Variants in FHIT observed in about 807,000 individuals in gnomAD.
FHIT encodes the protein fragile histidine triad diadenosine triphosphatase.
In FHIT, 19 loss-of-function variants were observed where a neutral mutation model predicts 17.9. The ratio of observed to expected loss-of-function variants is 1.06; its 90% CI spans 0.74 to 1.56. The LOEUF (loss-of-function observed/expected upper bound fraction) is 1.56, where lower values mean the gene tolerates loss of function less well. Among genes scored for constraint, FHIT ranks in the 40% most tolerant of loss-of-function variants. The pLI is 0.00. For synonymous variants in FHIT, 81 were observed against 69.7 expected (o/e 1.16, Z -0.81); for missense variants, 248 against 189.2 (o/e 1.31, Z -1.82).
intron 2 of FHIT, among the ~76,000 whole-genome samples, chr3:61,104,660 G>A (rs892164837): frequency 6.6e-6 from 1 of 152,118 alleles, no homozygotes; most frequent in African/African-American, 2.4e-5. Flanking sequence ...CCTGAAATAT[G>A]TTTTCCAAAT....
intron 5 of FHIT, among the ~76,000 whole-genome samples, chr3:60,343,864 T>C (rs1445955720): frequency 1.3e-5 from 2 of 152,212 alleles, no homozygotes; most frequent in African/African-American, 2.4e-5. Context: ...GGTGGACTAC[T>C]AGAATTCCAT....
intron 5 of FHIT, among the ~76,000 whole-genome samples, chr3:60,273,523 T>A (rs1474022614): frequency 6.6e-6 from 1 of 152,044 alleles, no homozygotes; most frequent in Non-Finnish European, 1.5e-5. Flanking sequence ...GGGGGAGAAT[T>A]GCTTGAACTT....
At chr3:60,630,188 T>A (rs2039402337) in intron 4 of FHIT, among the ~76,000 whole-genome samples, 1 of 152,192 alleles carries the variant, frequency 6.6e-6, no homozygotes, top group East Asian at 1.9e-4. Context: ...TTCGAAGTTA[T>A]CTCAGAAACC....
intron 5 of FHIT, among the ~76,000 whole-genome samples, chr3:60,048,027 G>C (rs749850178): frequency 6.6e-6 from 1 of 152,132 alleles, no homozygotes; most frequent in Non-Finnish European, 1.5e-5. Flanking sequence ...TTCTCCTGAG[G>C]CCTCTCTCTC....
intron 7 of FHIT, among the ~76,000 whole-genome samples, chr3:59,980,462 G>T (rs1559517471): frequency 2.0e-5 from 3 of 152,182 alleles, no homozygotes. Flanking sequence ...GTTATAATTA[G>T]CCCTCATTCT....
chr3:60,893,351 A>T (rs920838642), intron 3 of FHIT, among the ~76,000 whole-genome samples: 36 of 152,200 alleles, frequency 2.4e-4, no homozygotes, highest in Non-Finnish European at 4.3e-4. Context: ...CTCTAGTGAC[A>T]CATAAAACTT....
intron 4 of FHIT, among the ~76,000 whole-genome samples, chr3:60,629,896 T>C (rs114309418): frequency 0.034 from 5,131 of 152,260 alleles, 154 homozygotes; most frequent in Non-Finnish European, 0.055. Flanking sequence ...CACTCTAGTA[T>C]TCTCAGAGCC....
intron 5 of FHIT, among the ~76,000 whole-genome samples, chr3:60,439,015 C>T (rs1468954955): frequency 2.2e-4 from 34 of 151,932 alleles, no homozygotes; most frequent in Admixed American, 2.2e-3. Flanking sequence ...TTACTTTTTT[C>T]GAAAGATGAG....
At chr3:61,056,975 T>C (rs2034246943) in intron 2 of FHIT, among the ~76,000 whole-genome samples, 1 of 152,216 alleles carries the variant, frequency 6.6e-6, no homozygotes, top group South Asian at 2.1e-4. Context: ...TTGTGCCTCA[T>C]GATCTCAGAG....
intron 5 of FHIT, among the ~76,000 whole-genome samples, chr3:60,050,443 G>A (rs1327330860): frequency 1.3e-5 from 2 of 152,138 alleles, no homozygotes; most frequent in South Asian, 2.1e-4. Context: ...ATAGCACTTA[G>A]AGCAGCAGAT....
At chr3:59,751,993 C>CTGTCTCTTAT in intron 9 of FHIT, 1 of 413,440 alleles carries the variant, frequency 2.4e-6, no homozygotes, top group Non-Finnish European at 4.3e-6. Flanking sequence ...GGGCTGGGGG[C>CTGTCTCTTAT]ACTGGCTTGG....
intron 5 of FHIT, among the ~76,000 whole-genome samples, chr3:60,311,990 A>G (rs985893299): frequency 3.9e-5 from 6 of 152,204 alleles, no homozygotes; most frequent in East Asian, 1.9e-4. Flanking sequence ...TGAATTATAA[A>G]ATCAATTTAG....
intron 3 of FHIT, among the ~76,000 whole-genome samples, chr3:60,875,262 C>A (rs78370287): frequency 6.6e-6 from 1 of 152,080 alleles, no homozygotes; most frequent in Non-Finnish European, 1.5e-5. Flanking sequence ...TTTTCTGTAC[C>A]ATGTGTGTAG....
At chr3:60,501,222 T>A (rs1217844486) in intron 5 of FHIT, among the ~76,000 whole-genome samples, 1 of 152,162 alleles carries the variant, frequency 6.6e-6, no homozygotes, top group Non-Finnish European at 1.5e-5. Flanking sequence ...CTTGAAGTAA[T>A]ATGATCCAAG....
chr3:60,258,979 C>T (rs530899191), intron 5 of FHIT, among the ~76,000 whole-genome samples: 1 of 150,442 alleles, frequency 6.6e-6, no homozygotes, highest in Non-Finnish European at 1.5e-5. Context: ...TAAAAGAGAT[C>T]TTCCTGCTTC....
intron 5 of FHIT, among the ~76,000 whole-genome samples, chr3:60,516,228 T>C (rs1287169523): frequency 2.6e-5 from 4 of 152,222 alleles, no homozygotes; most frequent in Admixed American, 6.5e-5. Context: ...AAAATATTTA[T>C]TCATTTACTT....
In FHIT at chr3:60,178,519, G is replaced by A. The variant is rs564416227; in HGVS notation, c.104-164367C>T. ...CAGAATCACTTGAACCCTGGAGGCA[G>A]AGGTTGCAGTGAGCCAAGATCATAC... On this transcript the variant is annotated intron_variant, in intron 5 of 9. Transcript: ENST00000492590. Among the ~76,000 whole-genome samples the A allele has an allele frequency of 1.2e-4, 18 of 152,228 alleles. No homozygotes were observed. In the South Asian group the frequency reaches 3.7e-3, roughly 32 times the overall value.
In FHIT at chr3:60,950,489, T is replaced by G; in HGVS notation, c.-111+91558A>C. The stretch of plus-strand genomic sequence containing the variant: ...TGCTAGGTAGGGCTTTTTTTTCTTT[T>G]TTTTTTTTTGAGACGGAGTCTTGCT... On this transcript the variant is annotated intron_variant, in intron 3 of 9. Transcript: ENST00000492590. Among the ~76,000 whole-genome samples, 2 of 151,114 alleles carry G rather than the reference T, an allele frequency of 1.3e-5. 1 individual carries two copies. The highest frequency in any genetic ancestry group is 4.9e-5 in the African/African-American group (2 of 41,106).
chr3:60,268,009 G>C (rs555994339), intron 5 of FHIT, among the ~76,000 whole-genome samples: 1 of 152,260 alleles, frequency 6.6e-6, no homozygotes, highest in East Asian at 1.9e-4. Context: ...CCAGGAGGTA[G>C]GTTTTGTATC....
Sources: allele counts gnomAD v4.1 joint callset (sites outside exome capture counted in the v4.1 genomes callset), GRCh38; gene constraint gnomAD v4.1.1; transcripts MANE v1.5; gene names NCBI Gene and HGNC (gene_info 2026-07-23, HGNC 2026-07-21).